Variants in DNAH14 observed in about 807,000 individuals in gnomAD.
DNAH14 encodes the protein dynein axonemal heavy chain 14.
Under a neutral mutation model 520.9 loss-of-function variants are expected in DNAH14, and 478 were observed. The observed-to-expected ratio is 0.92, with a 90% CI of 0.85 to 0.99. The LOEUF (loss-of-function observed/expected upper bound fraction) is 0.99. DNAH14 is among the 50% of genes least tolerant of loss of function. The pLI, the probability that DNAH14 is intolerant of heterozygous loss-of-function variation, is 0.00. For synonymous variants in DNAH14, 1,581 were observed against 1,757.2 expected (o/e 0.90, Z 2.51); for missense variants, 4,831 against 5,234.5 (o/e 0.92, Z 2.38).
At chr1:225,247,801 C>G (rs613820) in intron 43 of DNAH14, among the ~76,000 whole-genome samples, 3 of 151,976 alleles carry the variant, frequency 2.0e-5, no homozygotes, top group African/African-American at 7.3e-5. Flanking sequence ...CCGAGGCAGG[C>G]GGATCACGAA....
At chr1:225,305,382 C>T (rs1038560680) in intron 58 of DNAH14, among the ~76,000 whole-genome samples, 4 of 152,094 alleles carry the variant, frequency 2.6e-5, no homozygotes, top group African/African-American at 9.7e-5. Context: ...ACGAAGAGTG[C>T]CACTCCCCAT....
chr1:225,303,460 T>G, intron 57 of DNAH14, 113 bp downstream of exon 57: 1 of 881,842 alleles, frequency 1.1e-6, no homozygotes, highest in South Asian at 2.0e-5. Flanking sequence ...CTAAGCTAAT[T>G]TACAATAAAA....
At chr1:225,226,715 G>A (rs779005033) in intron 41 of DNAH14, among the ~76,000 whole-genome samples, 1 of 152,126 alleles carries the variant, frequency 6.6e-6, no homozygotes, top group Non-Finnish European at 1.5e-5. Context: ...GTGGGCCCAG[G>A]GGACCGGCGC....
Position 225,322,677 on chromosome 1 carries a change from C to A in DNAH14, c.9349C>A (p.Pro3117Thr). ...DVAELRVYTR[P>T]PFLVLTVMNA... Reference sequence around the variant, plus strand: ...CATCTATTACAGAGTATACACACGGCCTCCCTTCCTTGTACTGACTGTCAT... The same window carrying A: ...CATCTATTACAGAGTATACACACGGACTCCCTTCCTTGTACTGACTGTCAT... Residue 3117 changes from proline (P) to threonine (T), a missense_variant, in exon 62 of 86, where the codon CCT becomes ACT. Transcript: ENST00000682510. The A allele has an allele frequency of 6.5e-7, 1 of 1,539,328 alleles. No homozygotes were observed. Among genetic ancestry groups the A allele is most frequent in the South Asian group, 1.2e-5 (1 of 82,986 alleles).
At chr1:225,354,168 A>G in intron 73 of DNAH14, 1 of 702,202 alleles carries the variant, frequency 1.4e-6, no homozygotes. Context: ...TTGTCTGCCT[A>G]TAAAGAACAT....
chr1:225,316,828 A>G (rs1163118888), intron 60 of DNAH14, among the ~76,000 whole-genome samples: 1 of 152,200 alleles, frequency 6.6e-6, no homozygotes, highest in Non-Finnish European at 1.5e-5. Context: ...CCACACTCCT[A>G]TAATACTTTT....
chr1:225,274,306 G>C (rs972394209), intron 52 of DNAH14, among the ~76,000 whole-genome samples: 1 of 146,816 alleles, frequency 6.8e-6, no homozygotes, highest in Non-Finnish European at 1.5e-5. Flanking sequence ...CCGGGTTCAC[G>C]CCATTCTCCT....
chr1:225,200,851 C>T (rs2086730134), intron 38 of DNAH14, among the ~76,000 whole-genome samples: 1 of 152,066 alleles, frequency 6.6e-6, no homozygotes, highest in Non-Finnish European at 1.5e-5. Context: ...GATCTTTTTG[C>T]AATGAATTTC....
chr1:225,126,909 C>G (rs1444229091), intron 27 of DNAH14, among the ~76,000 whole-genome samples: 1 of 151,834 alleles, frequency 6.6e-6, no homozygotes, highest in Non-Finnish European at 1.5e-5. Flanking sequence ...TATGTTGTGT[C>G]TTAGTTCTCG....
chr1:225,276,338 T>C (rs1195301840), intron 53 of DNAH14, among the ~76,000 whole-genome samples: 1 of 152,182 alleles, frequency 6.6e-6, no homozygotes, highest in Non-Finnish European at 1.5e-5. Flanking sequence ...TGATAGGGTA[T>C]AATTTTAAAG....
intron 31 of DNAH14, among the ~76,000 whole-genome samples, chr1:225,147,698 T>A (rs2080084119): frequency 6.6e-6 from 1 of 152,208 alleles, no homozygotes; most frequent in East Asian, 1.9e-4. Context: ...GGTAAACTGG[T>A]ATTATGGGGA....
chr1:225,206,450 G>A (rs975915820), intron 40 of DNAH14, among the ~76,000 whole-genome samples: 4 of 152,106 alleles, frequency 2.6e-5, no homozygotes, highest in Non-Finnish European at 5.9e-5. Flanking sequence ...TTAGACTGCT[G>A]ATGTGAATTA....
intron 50 of DNAH14, 111 bp from the exon 51 acceptor site, chr1:225,271,795 G>T (rs995128255): frequency 1.4e-5 from 11 of 807,674 alleles, no homozygotes; most frequent in Non-Finnish European, 2.1e-5. Context: ...AACATTTAAT[G>T]AAATTAATCC....
intron 21 of DNAH14, among the ~76,000 whole-genome samples, chr1:225,088,729 G>T (rs2074050974): frequency 6.6e-6 from 1 of 152,134 alleles, no homozygotes; most frequent in African/African-American, 2.4e-5. Flanking sequence ...GGGGAAAATA[G>T]ACAAATGACC....
intron 2 of DNAH14, among the ~76,000 whole-genome samples, chr1:224,953,860 A>C (rs963582259): frequency 6.6e-5 from 10 of 152,220 alleles, no homozygotes; most frequent in Non-Finnish European, 1.2e-4. Flanking sequence ...AAAACATATA[A>C]GCTCATTTTG....
chr1:224,931,114 A>G (rs910253682), intron 1 of DNAH14, among the ~76,000 whole-genome samples: 19 of 152,188 alleles, frequency 1.2e-4, no homozygotes, highest in African/African-American at 4.6e-4. Context: ...GATCCTGTCT[A>G]TGCCTAGGCT....
chr1:225,100,601 A>G, intron 22 of DNAH14, 112 bp from the exon 23 acceptor site: 1 of 873,372 alleles, frequency 1.1e-6, no homozygotes, highest in Non-Finnish European at 1.7e-6. Context: ...AAGAAAATTT[A>G]ACATCAAATG....
chr1:225,190,794 A>G (rs897463802), intron 37 of DNAH14, among the ~76,000 whole-genome samples: 3 of 152,138 alleles, frequency 2.0e-5, no homozygotes, highest in African/African-American at 7.2e-5. Flanking sequence ...AAAACTGCTA[A>G]CAACTTCATC....
In DNAH14 at chr1:224,960,284, G is replaced by A. The variant is rs772658803; in HGVS notation, c.349G>A (p.Val117Met). The A allele has an allele frequency of 6.2e-7, 1 of 1,606,148 alleles. No individual in the cohort carries two copies. Among genetic ancestry groups the A allele is most frequent in the Non-Finnish European group, 8.5e-7 (1 of 1,176,874 alleles). Residue 117 changes from valine (V) to methionine (M), a missense_variant, in exon 4 of 86, where the codon GTG becomes ATG. Transcript: ENST00000682510. ...TCCAAATGTTAGGAAAGCCAGGCCTGTGTCCTATGATAGAACAGGTATGTG... is the reference window on the plus strand; with the variant it reads ...TCCAAATGTTAGGAAAGCCAGGCCTATGTCCTATGATAGAACAGGTATGTG... ...ACPNVRKARP[V>M]SYDRTEPKDD...
Sources: gnomAD v4.1 joint callset for allele counts (sites outside exome capture counted in the v4.1 genomes callset) on GRCh38, gnomAD v4.1.1 for gene constraint, MANE v1.5 for transcripts, NCBI Gene and HGNC (gene_info 2026-07-23, HGNC 2026-07-21) for gene names.